Variants in WWOX observed in about 807,000 individuals in gnomAD.
WWOX encodes the protein WW domain containing oxidoreductase.
Under a neutral mutation model 46.2 loss-of-function variants are expected in WWOX, and 69 were observed. The observed-to-expected ratio is 1.49, with a 90% confidence interval of 1.23 to 1.82. WWOX has a LOEUF of 1.82. Among genes scored for constraint, WWOX ranks in the 40% most tolerant of loss-of-function variants. The probability of loss-of-function intolerance (pLI) is 0.00; values close to 1 mark genes in which losing one functional copy is unlikely to be tolerated. For synonymous variants in WWOX, 359 were observed against 202.6 expected (o/e 1.77, Z -6.56); for missense variants, 919 against 542.6 (o/e 1.69, Z -6.89).
chr16:79,123,110 G>T (rs532048994), intron 8 of WWOX, among the ~76,000 whole-genome samples: 1 of 152,132 alleles, frequency 6.6e-6, no homozygotes, highest in African/African-American at 2.4e-5. Context: ...TGGTCTGTGC[G>T]TGCTGTATAA....
At chr16:78,412,560 A>G (rs2082706853) in intron 6 of WWOX, among the ~76,000 whole-genome samples, 1 of 152,152 alleles carries the variant, frequency 6.6e-6, no homozygotes, top group Non-Finnish European at 1.5e-5. Flanking sequence ...GTTGGAGGAG[A>G]CAAAAAATGG....
intron 5 of WWOX, chr16:78,270,186 A>G (rs1347070182): frequency 1.3e-5 from 2 of 151,944 alleles, no homozygotes; most frequent in African/African-American, 4.8e-5. Context: ...TAGTTTTTGC[A>G]TTTTCTCCTA....
At chr16:78,592,528 G>A (rs1028792107) in intron 8 of WWOX, among the ~76,000 whole-genome samples, 4 of 152,208 alleles carry the variant, frequency 2.6e-5, no homozygotes, top group Non-Finnish European at 1.5e-5. Flanking sequence ...TATGAAGCAA[G>A]AGGAAGAAGA....
At chr16:78,901,824 A>G (rs113393536) in intron 8 of WWOX, among the ~76,000 whole-genome samples, 9 of 152,330 alleles carry the variant, frequency 5.9e-5, no homozygotes, top group African/African-American at 2.2e-4. Context: ...TGTACAATCC[A>G]AGTCTGTCGC....
At chr16:78,286,714 A>G (rs1215906964) in intron 5 of WWOX, among the ~76,000 whole-genome samples, 2 of 152,178 alleles carry the variant, frequency 1.3e-5, no homozygotes, top group African/African-American at 4.8e-5. Flanking sequence ...ATAAAATAAA[A>G]TACAATGAAT....
chr16:78,509,045 A>G (rs538531297), intron 8 of WWOX, among the ~76,000 whole-genome samples: 1 of 152,372 alleles, frequency 6.6e-6, no homozygotes, highest in South Asian at 2.1e-4. Context: ...GTGTGCGTGC[A>G]CACCTGCCTG....
chr16:78,613,043 G>A (rs746781354), intron 8 of WWOX, among the ~76,000 whole-genome samples: 21 of 152,102 alleles, frequency 1.4e-4, no homozygotes, highest in African/African-American at 1.7e-4. Context: ...CCCAAGAGGT[G>A]CCTCTTGAGA....
At chr16:78,618,777 G>A (rs957167040) in intron 8 of WWOX, among the ~76,000 whole-genome samples, 7 of 151,856 alleles carry the variant, frequency 4.6e-5, no homozygotes, top group Admixed American at 1.3e-4. Flanking sequence ...GACCTGAGAG[G>A]AGGAGAAGGA....
chr16:78,531,243 T>C (rs550379918), intron 8 of WWOX, among the ~76,000 whole-genome samples: 5 of 152,322 alleles, frequency 3.3e-5, no homozygotes, highest in African/African-American at 1.2e-4. Context: ...GAGTCTTTCT[T>C]GAGGGACAGT....
At chr16:79,151,010 A>G (rs1276258977) in intron 8 of WWOX, among the ~76,000 whole-genome samples, 1 of 152,150 alleles carries the variant, frequency 6.6e-6, no homozygotes, top group African/African-American at 2.4e-5. Context: ...GTTGCACAGG[A>G]ATTATTTCCC....
chr16:78,620,528 C>G (rs2046153393), intron 8 of WWOX, among the ~76,000 whole-genome samples: 1 of 152,164 alleles, frequency 6.6e-6, no homozygotes, highest in African/African-American at 2.4e-5. Flanking sequence ...AGACTAGACA[C>G]TAGATAGTGG....
intron 6 of WWOX, among the ~76,000 whole-genome samples, chr16:78,415,533 C>T (rs1410390022): frequency 6.6e-6 from 1 of 152,154 alleles, no homozygotes; most frequent in African/African-American, 2.4e-5. Context: ...AATGGAGTCA[C>T]TCTGGTTTGA....
chr16:79,118,392 T>TTG (rs1173486719), intron 8 of WWOX, among the ~76,000 whole-genome samples: 4 of 152,186 alleles, frequency 2.6e-5, no homozygotes, highest in African/African-American at 9.7e-5. Flanking sequence ...AGATCACTGA[T>TTG]CACAGATCAC....
At chr16:78,818,364 G>C (rs1417118333) in intron 8 of WWOX, among the ~76,000 whole-genome samples, 6 of 152,192 alleles carry the variant, frequency 3.9e-5, no homozygotes, top group African/African-American at 1.4e-4. Context: ...GTTGATTAGG[G>C]TTGGTTGAGC....
intron 8 of WWOX, among the ~76,000 whole-genome samples, chr16:78,951,576 G>T (rs1016854027): frequency 1.8e-4 from 27 of 152,170 alleles, no homozygotes; most frequent in African/African-American, 6.0e-4. Flanking sequence ...AAAAACAACA[G>T]GGCTTCATCA....
At chr16:78,832,504 G>A (rs1004411620) in intron 8 of WWOX, among the ~76,000 whole-genome samples, 3 of 152,092 alleles carry the variant, frequency 2.0e-5, no homozygotes, top group African/African-American at 7.2e-5. Context: ...AGAACTTGTG[G>A]GCATATTCTA....
chr16:79,193,014 A>G (rs2051167650), intron 8 of WWOX, among the ~76,000 whole-genome samples: 2 of 152,178 alleles, frequency 1.3e-5, no homozygotes, highest in South Asian at 4.1e-4. Context: ...CCAAAAGGAG[A>G]CAGAAGTTTG....
At chr16:78,191,121 G>A (rs1331812259) in intron 5 of WWOX, among the ~76,000 whole-genome samples, 1 of 152,152 alleles carries the variant, frequency 6.6e-6, no homozygotes, top group Admixed American at 6.5e-5. Flanking sequence ...TGATGCCGCT[G>A]GACCACTGGA....
At chr16:79,032,562 CCATA>C (rs1245275540) in intron 8 of WWOX, among the ~76,000 whole-genome samples, 1 of 147,532 alleles carries the variant, frequency 6.8e-6, no homozygotes, top group Non-Finnish European at 1.5e-5. Flanking sequence ...AATATACTTT[CCATA>C]CATACATATA....
Sources: gnomAD v4.1 joint callset for allele counts (sites outside exome capture counted in the v4.1 genomes callset) on GRCh38, gnomAD v4.1.1 for gene constraint, MANE v1.5 for transcripts, NCBI Gene and HGNC (gene_info 2026-07-23, HGNC 2026-07-21) for gene names.